Variants in GRM1 observed in about 807,000 individuals in gnomAD.
The protein encoded by GRM1 is metabotropic glutamate receptor 1.
Under a neutral mutation model 90.9 loss-of-function variants are expected in GRM1, and 33 were observed. The observed-to-expected ratio is 0.36, with a 90% confidence interval of 0.28 to 0.49. GRM1 has a LOEUF of 0.49. Ranked by LOEUF, GRM1 falls within the 20% of genes least tolerant of loss-of-function variation. The pLI, the probability that GRM1 is intolerant of heterozygous loss-of-function variation, is 0.99. For synonymous variants in GRM1, 700 were observed against 613.2 expected (o/e 1.14, Z -2.09); for missense variants, 1,190 against 1,534.3 (o/e 0.78, Z 3.75).
chr6:146,080,237 G>C (rs1776318620), intron 1 of GRM1, among the ~76,000 whole-genome samples: 1 of 152,168 alleles, frequency 6.6e-6, no homozygotes, highest in Non-Finnish European at 1.5e-5. Flanking sequence ...TGTTAGAATT[G>C]TGAATGTAAG....
chr6:146,040,758 C>T (rs1791068894), intron 1 of GRM1, among the ~76,000 whole-genome samples: 1 of 151,736 alleles, frequency 6.6e-6, no homozygotes, highest in South Asian at 2.1e-4. Flanking sequence ...TGTTCTCTAC[C>T]CTTCTTGTAC....
chr6:146,045,093 G>A (rs1791276586), intron 1 of GRM1, among the ~76,000 whole-genome samples: 2 of 152,008 alleles, frequency 1.3e-5, no homozygotes, highest in East Asian at 1.9e-4. Flanking sequence ...GTGTATTGTA[G>A]ATGCTTTCCC....
chr6:146,115,118 A>G (rs1775692593), intron 1 of GRM1, among the ~76,000 whole-genome samples: 1 of 151,984 alleles, frequency 6.6e-6, no homozygotes, highest in South Asian at 2.1e-4. Context: ...TTGAAAAGTA[A>G]TTGCTTTTGA....
intron 2 of GRM1, among the ~76,000 whole-genome samples, chr6:146,252,787 C>T (rs972038171): frequency 5.9e-5 from 9 of 151,340 alleles, no homozygotes; most frequent in Admixed American, 2.0e-4. Flanking sequence ...ATTGGTTGGG[C>T]GCAGTGGCTC....
At chr6:146,300,138 T>C (rs1212501977) in intron 2 of GRM1, among the ~76,000 whole-genome samples, 1 of 152,230 alleles carries the variant, frequency 6.6e-6, no homozygotes, top group Non-Finnish European at 1.5e-5. Context: ...TAAAGAATTA[T>C]AATTTTATTA....
intron 2 of GRM1, among the ~76,000 whole-genome samples, chr6:146,215,447 T>G (rs1335267017): frequency 6.6e-6 from 1 of 152,086 alleles, no homozygotes. Context: ...ATATTACAAA[T>G]CTATAGCTGC....
chr6:146,118,967 T>G (rs1775872906), intron 1 of GRM1, among the ~76,000 whole-genome samples: 2 of 152,218 alleles, frequency 1.3e-5, no homozygotes, highest in South Asian at 4.1e-4. Context: ...GTAATGGGAT[T>G]GCTGGATCAA....
chr6:146,294,494 A>T (rs1372870210), intron 2 of GRM1, among the ~76,000 whole-genome samples: 1 of 152,052 alleles, frequency 6.6e-6, no homozygotes, highest in Non-Finnish European at 1.5e-5. Context: ...AACTAGATTA[A>T]TTTTTAAATT....
intron 2 of GRM1, among the ~76,000 whole-genome samples, chr6:146,269,704 A>G (rs931545842): frequency 6.6e-6 from 1 of 152,194 alleles, no homozygotes. Flanking sequence ...TTCATATGCA[A>G]GGGATCTAGG....
rs531656181 is a variant in GRM1 at position 146,071,285 on chromosome 6, C to T, written c.700+41068C>T. Among the ~76,000 whole-genome samples the T allele has an allele frequency of 3.3e-5, 5 of 152,270 alleles. No individual in the cohort carries two copies. The South Asian group carries it at 1.0e-3, about 32-fold the overall frequency. ...CTTTGCTATAGTGCACTAGCACTAG[C>T]ACTGTGCTGGGTTGCTACCCGCGGC... On this transcript the variant is annotated intron_variant, in intron 1 of 7. Coordinates refer to ENST00000282753, the MANE Select transcript of GRM1 (RefSeq NM_001278064.2).
In GRM1 at chr6:146,179,241, G is replaced by A. The variant is rs540490541; in HGVS notation, c.950+19644G>A. 1.6e-4 allele frequency among the ~76,000 whole-genome samples: 25 copies of A among 152,262 alleles called. No individual in the cohort carries two copies. The South Asian group carries it at 5.0e-3, about 30-fold the overall frequency. ...GACCTAAACAGCAAGATTCCTTTCA[G>A]ATCCCACTACCTAAAATGCCATGCC... On this transcript the variant is annotated intron_variant, in intron 2 of 7. Coordinates refer to ENST00000282753, the MANE Select transcript of GRM1 (RefSeq NM_001278064.2).
In GRM1 at chr6:146,432,217, G is replaced by C. The variant is rs1312092305; in HGVS notation, c.2661-1655G>C. 2.0e-5 allele frequency among the ~76,000 whole-genome samples: 3 copies of C among 152,318 alleles called. No individual in the cohort carries two copies. In the East Asian group the frequency reaches 5.8e-4, roughly 29 times the overall value. On this transcript the variant is annotated intron_variant, in intron 7 of 7. Coordinates refer to ENST00000282753, the MANE Select transcript of GRM1 (RefSeq NM_001278064.2). The stretch of plus-strand genomic sequence containing the variant: ...TTTGTCTTAGACAATTAAAAATGCA[G>C]TGTAGGGTATCAGATATATGGAGGA...
At chr6:146,216,541 G>C (rs776581483) in intron 2 of GRM1, among the ~76,000 whole-genome samples, 6 of 152,030 alleles carry the variant, frequency 3.9e-5, no homozygotes, top group African/African-American at 1.4e-4. Flanking sequence ...GTCTTCTTTG[G>C]CCTCCAGTGG....
intron 2 of GRM1, among the ~76,000 whole-genome samples, chr6:146,170,740 T>C (rs1778088341): frequency 1.3e-5 from 2 of 152,144 alleles, no homozygotes; most frequent in South Asian, 4.1e-4. Context: ...TAATAGATAC[T>C]TTTAAGACTT....
rs150943085 is a variant in GRM1 at position 146,259,006 on chromosome 6, G to T, written c.951-45605G>T. ...TGTATCCCATCTAGAATACTGAAGA[G>T]TTCTTGCCTGGCTGTACTCCTGGGG... On this transcript the variant is annotated intron_variant, in intron 2 of 7. Coordinates refer to ENST00000282753, the MANE Select transcript of GRM1 (RefSeq NM_001278064.2). 1.3e-4 allele frequency among the ~76,000 whole-genome samples: 20 copies of T among 152,288 alleles called. No individual in the cohort carries two copies. In the East Asian group the frequency reaches 3.9e-3, roughly 29 times the overall value.
chr6:146,432,753 C>T (rs1311590936), intron 7 of GRM1, among the ~76,000 whole-genome samples: 1 of 152,204 alleles, frequency 6.6e-6, no homozygotes, highest in East Asian at 1.9e-4. Context: ...AAGGTACCAA[C>T]ATCTGCTTAA....
intron 6 of GRM1, among the ~76,000 whole-genome samples, chr6:146,393,550 A>G (rs911729922): frequency 1.3e-5 from 2 of 152,020 alleles, no homozygotes; most frequent in African/African-American, 4.8e-5. Context: ...CCACTTGTCA[A>G]TTTTGGCTTT....
In GRM1 at chr6:146,394,650, C is replaced by T. The variant is rs141078766; in HGVS notation, c.1730-4119C>T. The stretch of plus-strand genomic sequence containing the variant: ...ATGATGAGGTCATGAATAAATATTC[C>T]GGTGAAAATGTCCTCATATCACTGG... On this transcript the variant is annotated intron_variant, in intron 6 of 7. Coordinates refer to ENST00000282753, the MANE Select transcript of GRM1 (RefSeq NM_001278064.2). Among the ~76,000 whole-genome samples the T allele has an allele frequency of 2.8e-4, 43 of 152,100 alleles. 1 individual carries two copies. In the East Asian group the frequency reaches 6.8e-3, roughly 24 times the overall value.
At chr6:146,120,292 C>G (rs1204026929) in intron 1 of GRM1, among the ~76,000 whole-genome samples, 1 of 152,114 alleles carries the variant, frequency 6.6e-6, no homozygotes. Flanking sequence ...GATTTTGTAT[C>G]CTGAGACTTT....
Sources: gnomAD v4.1 joint callset for allele counts (sites outside exome capture counted in the v4.1 genomes callset) on GRCh38, gnomAD v4.1.1 for gene constraint, MANE v1.5 for transcripts, NCBI Gene and HGNC (gene_info 2026-07-23, HGNC 2026-07-21) for gene names.